NCK2: variants seen among roughly 807,000 people sequenced by gnomAD.
NCK2 encodes NCK adaptor protein 2.
A neutral mutation model predicts 33.9 loss-of-function variants in NCK2; 16 were observed. The ratio of observed to expected loss-of-function variants is 0.47; its 90% CI spans 0.32 to 0.72. The LOEUF (loss-of-function observed/expected upper bound fraction) is 0.72. Among genes scored for constraint, NCK2 ranks in the 30% least tolerant of loss-of-function variants. The pLI is 0.03. For missense variants in NCK2, 418 were observed against 537.3 expected (o/e 0.78, Z 2.19); for synonymous variants, 273 against 239.9 (o/e 1.14, Z -1.27).
chr2:105,880,936 A>ATTTTTTTTTTTTTTTTTTTTTTTT (rs59005322), intron 3 of NCK2, among the ~76,000 whole-genome samples: 4 of 103,558 alleles, frequency 3.9e-5, no homozygotes, highest in Non-Finnish European at 7.7e-5. Flanking sequence ...CAGGTGGCTA[A>ATTTTTTTTTTTTTTTTTTTTTTTT]TTTTTTTTTT....
At chr2:105,765,034 T>C (rs1171261084) in intron 1 of NCK2, among the ~76,000 whole-genome samples, 1 of 144,342 alleles carries the variant, frequency 6.9e-6, no homozygotes, top group Non-Finnish European at 1.5e-5. Flanking sequence ...TTTTTTTTTT[T>C]AGTGTAAATT....
chr2:105,845,842 AC>A (rs1404124704), intron 2 of NCK2, among the ~76,000 whole-genome samples: 1 of 152,112 alleles, frequency 6.6e-6, no homozygotes, highest in East Asian at 1.9e-4. Flanking sequence ...ACCTGAAAAG[AC>A]CTCACTTGTG....
intron 1 of NCK2, among the ~76,000 whole-genome samples, chr2:105,810,801 AC>A (rs1675265712): frequency 1.3e-5 from 2 of 152,308 alleles, no homozygotes; most frequent in African/African-American, 4.8e-5. Context: ...TCACAAATTT[AC>A]AAAATTTGTC....
intron 3 of NCK2, among the ~76,000 whole-genome samples, chr2:105,877,759 A>G (rs555235300): frequency 2.0e-5 from 3 of 152,344 alleles, no homozygotes; most frequent in African/African-American, 7.2e-5. Flanking sequence ...ACCAGCCGCT[A>G]TCAGAACTAT....
intron 1 of NCK2, among the ~76,000 whole-genome samples, chr2:105,803,863 T>G (rs773096771): frequency 3.3e-5 from 5 of 152,204 alleles, no homozygotes; most frequent in Non-Finnish European, 5.9e-5. Context: ...TTGGAATGAA[T>G]AGTCAGCCCA....
chr2:105,809,323 A>G (rs1427188527), intron 1 of NCK2, among the ~76,000 whole-genome samples: 1 of 152,206 alleles, frequency 6.6e-6, no homozygotes, highest in African/African-American at 2.4e-5. Flanking sequence ...GCCATGGGAA[A>G]GTACCACAGA....
At chr2:105,863,622 T>C (rs563406500) in intron 3 of NCK2, among the ~76,000 whole-genome samples, 1 of 152,272 alleles carries the variant, frequency 6.6e-6, no homozygotes, top group Admixed American at 6.5e-5. Context: ...GGGAAAATAA[T>C]ACTGGCACAA....
intron 1 of NCK2, among the ~76,000 whole-genome samples, chr2:105,798,449 A>C (rs1691161481): frequency 6.6e-6 from 1 of 152,214 alleles, no homozygotes; most frequent in Non-Finnish European, 1.5e-5. Context: ...TAACAATGAG[A>C]AAAAGCACTG....
At chr2:105,790,014 G>A (rs1267263332) in intron 1 of NCK2, among the ~76,000 whole-genome samples, 1 of 152,238 alleles carries the variant, frequency 6.6e-6, no homozygotes, top group Admixed American at 6.5e-5. Context: ...CATGTATTGA[G>A]TGCAAGGGAG....
chr2:105,780,319 G>GAT (rs576590444), intron 1 of NCK2, among the ~76,000 whole-genome samples: 19,893 of 142,004 alleles, frequency 0.14, 1,443 homozygotes, highest in East Asian at 0.2. Flanking sequence ...ATGGGAGAGA[G>GAT]ATATATACAC....
At chr2:105,744,530 G>A (rs547540341), upstream of NCK2, among the ~76,000 whole-genome samples, 4 of 152,226 alleles carry the variant, frequency 2.6e-5, no homozygotes, top group African/African-American at 7.2e-5. Context: ...GGAAGTTGCC[G>A]TCTGTGTTTT....
chr2:105,770,009 A>G (rs1485526116), intron 1 of NCK2, among the ~76,000 whole-genome samples: 2 of 152,108 alleles, frequency 1.3e-5, no homozygotes, highest in African/African-American at 2.4e-5. Flanking sequence ...CCTTCACTGG[A>G]AAATGGGTGA....
At chr2:105,756,892 C>G (rs1689612983) in intron 1 of NCK2, among the ~76,000 whole-genome samples, 2 of 152,152 alleles carry the variant, frequency 1.3e-5, no homozygotes, top group South Asian at 2.1e-4. Flanking sequence ...ACAACCTCCC[C>G]CCTCCTGGGT....
intron 2 of NCK2, among the ~76,000 whole-genome samples, chr2:105,817,704 A>T (rs1174237447): frequency 1.3e-5 from 2 of 152,202 alleles, no homozygotes; most frequent in Non-Finnish European, 2.9e-5. Flanking sequence ...GCCATCAGAG[A>T]AATGCAAATC....
At chr2:105,764,299 G>A (rs1689862791) in intron 1 of NCK2, among the ~76,000 whole-genome samples, 1 of 152,244 alleles carries the variant, frequency 6.6e-6, no homozygotes, top group African/African-American at 2.4e-5. Flanking sequence ...AGAGCCTGTG[G>A]GCAGACATCC....
chr2:105,885,033 G>A (rs1489014968), intron 4 of NCK2, among the ~76,000 whole-genome samples: 1 of 152,160 alleles, frequency 6.6e-6, no homozygotes, highest in Non-Finnish European at 1.5e-5. Context: ...CTAGAAAGCT[G>A]TACTTAAAAT....
intron 1 of NCK2, among the ~76,000 whole-genome samples, chr2:105,784,751 C>T (rs1690616158): frequency 1.3e-5 from 2 of 152,152 alleles, no homozygotes; most frequent in African/African-American, 4.8e-5. Context: ...GAGGTCCATC[C>T]GTTCCTCAGC....
intron 1 of NCK2, among the ~76,000 whole-genome samples, chr2:105,798,802 A>G (rs187034178): frequency 5.5e-4 from 84 of 152,352 alleles, no homozygotes; most frequent in Non-Finnish European, 2.1e-4. Context: ...AGGGAAATTA[A>G]TACAAAATGT....
At position 105,797,149 on chromosome 2, in the gene NCK2, C is replaced by A. The variant is rs189144916; in HGVS notation, c.-200-19281C>A. Among the ~76,000 whole-genome samples, 50 of 152,280 alleles carry A rather than the reference C, an allele frequency of 3.3e-4. No individual in the cohort carries two copies. In the East Asian group the frequency reaches 9.3e-3, roughly 28 times the overall value. On this transcript the variant is annotated intron_variant, in intron 1 of 4. Transcript: ENST00000233154. ...CCATCTTTTCTTTCAGCATCTCCCC[C>A]ACCCACAAGAAAAAAGTTGACATTG...
Sources: allele counts gnomAD v4.1 joint callset (sites outside exome capture counted in the v4.1 genomes callset), GRCh38; gene constraint gnomAD v4.1.1; transcripts MANE v1.5; gene names NCBI Gene and HGNC (gene_info 2026-07-23, HGNC 2026-07-21).